The following HDGFL3 variants were observed in gnomAD, a reference collection of about 807,000 sequenced individuals.
The protein encoded by HDGFL3 is HDGF like 3.
HDGFL3 carries 6 observed loss-of-function variants against 27.6 expected under a neutral mutation model. That is an observed-to-expected ratio of 0.22 (90% CI 0.12 to 0.43). HDGFL3 has a LOEUF of 0.43. HDGFL3 is among the 20% of genes least tolerant of loss of function. The pLI is 1.00. For synonymous variants in HDGFL3, 88 were observed against 88.9 expected (o/e 0.99, Z 0.05); for missense variants, 207 against 250.1 (o/e 0.83, Z 1.16).
intron 2 of HDGFL3, among the ~76,000 whole-genome samples, chr15:83,162,346 C>T (rs1273556227): frequency 6.6e-6 from 1 of 151,982 alleles, no homozygotes; most frequent in Non-Finnish European, 1.5e-5. Flanking sequence ...TAATTCTCCC[C>T]CAGGTATTTT....
intron 2 of HDGFL3, among the ~76,000 whole-genome samples, chr15:83,160,286 A>C (rs777981643): frequency 6.6e-6 from 1 of 151,710 alleles, no homozygotes; most frequent in African/African-American, 2.4e-5. Flanking sequence ...TCCCTGGTTC[A>C]AGCGATTCTT....
At position 83,185,270 on chromosome 15, in the gene HDGFL3, C is replaced by T. The variant is rs183374302; in HGVS notation, c.85-21195G>A. On this transcript the variant is annotated intron_variant, in intron 1 of 5. Transcript: ENST00000299633. ...AACTCCTGACCTCAGGCAATCTGCC[C>T]GTCTCAGCCTCCCAAAGTGTGCCCG... is the stretch of plus-strand genomic sequence containing the variant. Among the ~76,000 whole-genome samples, 25 of 152,234 alleles carry T rather than the reference C, an allele frequency of 1.6e-4. No homozygotes were observed. The East Asian group carries it at 4.6e-3, about 28-fold the overall frequency.
intron 1 of HDGFL3, among the ~76,000 whole-genome samples, chr15:83,165,617 A>G (rs1276204686): frequency 6.6e-6 from 1 of 151,986 alleles, no homozygotes; most frequent in African/African-American, 2.4e-5. Flanking sequence ...CATTTTAAAA[A>G]TCACTTCTTT....
rs1286627713 is a variant in HDGFL3 at position 83,187,155 on chromosome 15, A to G, written c.84+20176T>C. Reference sequence around the variant, plus strand: ...GTCACAGAAGCTACTTTTCTTGGAAATTCTTTTTTTTTTTTTTTAAACAGA... The same window carrying G: ...GTCACAGAAGCTACTTTTCTTGGAAGTTCTTTTTTTTTTTTTTTAAACAGA... On this transcript the variant is annotated intron_variant, in intron 1 of 5. Transcript: ENST00000299633. 2.7e-5 allele frequency among the ~76,000 whole-genome samples: 4 copies of G among 149,000 alleles called. No individual in the cohort carries two copies. The East Asian group carries it at 5.9e-4, about 22-fold the overall frequency.
At chr15:83,196,101 T>C (rs11857641) in intron 1 of HDGFL3, among the ~76,000 whole-genome samples, 37,755 of 151,722 alleles carry the variant, frequency 0.25, 5,029 homozygotes, top group African/African-American at 0.34. Flanking sequence ...ATAGATATGT[T>C]AGATTTATAT....
At chr15:83,145,337 C>T (rs552180600) in intron 5 of HDGFL3, among the ~76,000 whole-genome samples, 108 of 152,224 alleles carry the variant, frequency 7.1e-4, no homozygotes, top group Admixed American at 1.3e-3. Flanking sequence ...CTGAAAACCA[C>T]GGTTAGCCAT....
chr15:83,141,670 A>G (rs1324527604), intron 5 of HDGFL3, among the ~76,000 whole-genome samples: 1 of 152,072 alleles, frequency 6.6e-6, no homozygotes, highest in Non-Finnish European at 1.5e-5. Context: ...TGCAGCCTTG[A>G]ACTCCTGGCC....
At chr15:83,190,205 C>G (rs1443221292) in intron 1 of HDGFL3, among the ~76,000 whole-genome samples, 1 of 71,528 alleles carries the variant, frequency 1.4e-5, no homozygotes, top group African/African-American at 1.1e-4. Context: ...TGAACTCTGT[C>G]TCAAAAAAAA....
intron 1 of HDGFL3, among the ~76,000 whole-genome samples, chr15:83,177,393 A>C (rs2037325667): frequency 6.6e-6 from 1 of 152,210 alleles, no homozygotes; most frequent in African/African-American, 2.4e-5. Flanking sequence ...TTTGCTCATA[A>C]AGACGCAAAT....
chr15:83,123,879 C>G (rs1450682921), downstream of HDGFL3, among the ~76,000 whole-genome samples: 19 of 152,356 alleles, frequency 1.2e-4, no homozygotes, highest in East Asian at 1.9e-4. Context: ...GCCAAGCAGG[C>G]ATTGTCATAC....
At chr15:83,125,905 G>GTT (rs1271778293), downstream of HDGFL3, among the ~76,000 whole-genome samples, 1 of 152,204 alleles carries the variant, frequency 6.6e-6, no homozygotes. Flanking sequence ...GAGGGGCATG[G>GTT]GGAAGAGAAG....
Position 83,198,054 on chromosome 15 carries a change from C to CAAAAAAAAAAAAAAAAAAAAAAA in HDGFL3, c.84+9276_84+9277insTTTTTTTTTTTTTTTTTTTTTTT, listed in dbSNP as rs766372255. ...GGGGTGACAGAGAGAGACTCCGTCTCAAAAAAAAAAAAAAAAAAAAGAAGC... is the reference window on the plus strand; with the variant it reads ...GGGGTGACAGAGAGAGACTCCGTCTCAAAAAAAAAAAAAAAAAAAAAAAAAAAAAAAAAAAAAAAAAAAGAAGC... On this transcript the variant is annotated intron_variant, in intron 1 of 5. Transcript: ENST00000299633. 2.4e-4 allele frequency among the ~76,000 whole-genome samples: 14 copies of CAAAAAAAAAAAAAAAAAAAAAAA among 57,598 alleles called. 1 individual carries two copies. The highest frequency in any genetic ancestry group is 1.1e-3 in the African/African-American group (11 of 10,458). The allele number at this position is 57,598 out of a possible 152,430, so 37.8% of individuals were successfully genotyped here.
chr15:83,194,845 T>C (rs2037550735), intron 1 of HDGFL3, among the ~76,000 whole-genome samples: 1 of 152,160 alleles, frequency 6.6e-6, no homozygotes, highest in Non-Finnish European at 1.5e-5. Flanking sequence ...TTCTCATCCC[T>C]TCGAAAACAA....
At chr15:83,173,025 G>C (rs2037265545) in intron 1 of HDGFL3, among the ~76,000 whole-genome samples, 3 of 152,158 alleles carry the variant, frequency 2.0e-5, no homozygotes, top group Admixed American at 1.3e-4. Flanking sequence ...TCAATCCTGT[G>C]TTGTTCAAGA....
downstream of HDGFL3, chr15:83,127,474 T>A: frequency 6.2e-7 from 1 of 1,613,560 alleles, no homozygotes; most frequent in East Asian, 2.2e-5. Flanking sequence ...GAGGTCTGGC[T>A]CAGGTACTAA....
At chr15:83,168,219 A>C (rs1398349203) in intron 1 of HDGFL3, among the ~76,000 whole-genome samples, 1 of 152,218 alleles carries the variant, frequency 6.6e-6, no homozygotes, top group Non-Finnish European at 1.5e-5. Flanking sequence ...AAGATCTCAA[A>C]ATAATGATCT....
chr15:83,154,887 G>A (rs1253039847), intron 4 of HDGFL3, among the ~76,000 whole-genome samples: 3 of 151,764 alleles, frequency 2.0e-5, no homozygotes, highest in Non-Finnish European at 2.9e-5. Context: ...CCCCCCTTTT[G>A]AGACAGGGTC....
At chr15:83,164,376 A>AAAAAAAAAAAAAAAAAAAG in intron 1 of HDGFL3, among the ~76,000 whole-genome samples, 1 of 149,082 alleles carries the variant, frequency 6.7e-6, no homozygotes. Context: ...CCAAAAAAAA[A>AAAAAAAAAAAAAAAAAAAG]AAAAAAAAAA....
At chr15:83,122,384 A>T (rs1293351626) in intron 3 of HDGFL3, among the ~76,000 whole-genome samples, 1 of 152,142 alleles carries the variant, frequency 6.6e-6, no homozygotes, top group African/African-American at 2.4e-5. Flanking sequence ...GCAGGAAATC[A>T]GGATATATAG....
Sources: gnomAD v4.1 joint callset for allele counts (sites outside exome capture counted in the v4.1 genomes callset) on GRCh38, gnomAD v4.1.1 for gene constraint, MANE v1.5 for transcripts, NCBI Gene and HGNC (gene_info 2026-07-23, HGNC 2026-07-21) for gene names.